ARFGEF3: variants seen among roughly 807,000 people sequenced by gnomAD.
ARFGEF3 encodes the protein ARFGEF family member 3.
ARFGEF3 carries 96 observed loss-of-function variants against 221.7 expected under a neutral mutation model. That is an observed-to-expected ratio of 0.43 (90% CI 0.37 to 0.51). ARFGEF3 has a LOEUF of 0.51. ARFGEF3 is among the 20% of genes least tolerant of loss of function. ARFGEF3 has a pLI of 0.00. For synonymous variants in ARFGEF3, 1,145 were observed against 1,126.8 expected (o/e 1.02, Z -0.32); for missense variants, 2,410 against 2,789.9 (o/e 0.86, Z 3.07).
At chr6:138,210,093 G>A in intron 4 of ARFGEF3, 52 bp downstream of exon 4, 3 of 1,582,878 alleles carry the variant, frequency 1.9e-6, no homozygotes, top group Non-Finnish European at 2.6e-6. Flanking sequence ...AACACATCCT[G>A]ATCCCCTGCA....
intron 17 of ARFGEF3, among the ~76,000 whole-genome samples, chr6:138,288,444 G>C (rs1182015957): frequency 6.6e-6 from 1 of 151,652 alleles, no homozygotes; most frequent in Non-Finnish European, 1.5e-5. Flanking sequence ...AGCACTTTGG[G>C]AGGCTAAGGT....
intron 1 of ARFGEF3, among the ~76,000 whole-genome samples, chr6:138,163,712 G>A (rs979633945): frequency 1.4e-4 from 21 of 152,346 alleles, no homozygotes; most frequent in African/African-American, 5.1e-4. Context: ...GCTGAGCATT[G>A]AGGCAGGTAA....
In ARFGEF3 at chr6:138,161,955, C is replaced by G. The variant is rs1209268646; in HGVS notation, c.-132C>G. On this transcript the variant is annotated 5_prime_UTR_variant, in exon 1 of 34. Transcript: ENST00000251691. The stretch of plus-strand genomic sequence containing the variant: ...GGAGCGGGCGTGATTCATCAGCATC[C>G]GCGCCGGGGCGGCATGGGGGCGCGC... 3.5e-6 allele frequency: 1 copy of G among 286,626 alleles called. No homozygotes were observed. The highest frequency in any genetic ancestry group is 6.1e-6 in the Non-Finnish European group (1 of 163,186). 17.8% of individuals were successfully genotyped at this position (286,626 alleles called of 1,614,324 possible).
intron 10 of ARFGEF3, among the ~76,000 whole-genome samples, chr6:138,257,380 A>T (rs927295402): frequency 5.3e-5 from 8 of 152,194 alleles, no homozygotes; most frequent in Non-Finnish European, 1.2e-4. Flanking sequence ...TCCTTATCCT[A>T]AATTCACCAG....
chr6:138,162,784 A>G lies in ARFGEF3; in HGVS notation c.85+613A>G, dbSNP rs76548958. Among the ~76,000 whole-genome samples, 228 of 152,236 alleles carry G rather than the reference A, an allele frequency of 1.5e-3. No individual in the cohort carries two copies. Among genetic ancestry groups the G allele is most frequent in the African/African-American group, 5.2e-3 (216 of 41,530 alleles). Reference sequence around the variant, plus strand: ...GCGTTGAAGTAAGTTCCAGGGAGCAAATTTGTGTTTCTCATCAGACTCAGG... The same window carrying G: ...GCGTTGAAGTAAGTTCCAGGGAGCAGATTTGTGTTTCTCATCAGACTCAGG... On this transcript the variant is annotated intron_variant, in intron 1 of 33. Coordinates refer to ENST00000251691, the MANE Select transcript of ARFGEF3 (RefSeq NM_020340.5). This position sits in a 1 kb window ranked among gnomAD's most constrained non-coding sequence, Gnocchi z 4.7.
intron 12 of ARFGEF3, among the ~76,000 whole-genome samples, chr6:138,266,616 G>A (rs546938962): frequency 3.9e-5 from 6 of 152,150 alleles, no homozygotes; most frequent in East Asian, 1.9e-4. Flanking sequence ...TTGGGAGGCC[G>A]AGGCAGGCGG....
At position 138,286,835 on chromosome 6, in the gene ARFGEF3, G is replaced by C. The variant is rs775533440; in HGVS notation, c.2704G>C (p.Glu902Gln). 2 of 1,614,054 alleles carry C rather than the reference G, an allele frequency of 1.2e-6. No homozygotes were observed. The highest frequency in any genetic ancestry group is 4.5e-5 in the East Asian group (2 of 44,884). Residue 902 changes from glutamate to glutamine, a missense_variant, in exon 16 of 34, where the codon GAG becomes CAG. Transcript: ENST00000251691. ...AFILGAEGIK[E>Q]QNQKERDAIC... ...CATTCTGGGAGCTGAAGGCATCAAA[G>C]AGCAGAACCAGAAGGAGCGGGACGC...
chr6:138,277,432 G>A (rs188898780), intron 12 of ARFGEF3, among the ~76,000 whole-genome samples: 5 of 152,312 alleles, frequency 3.3e-5, no homozygotes, highest in African/African-American at 9.6e-5. Flanking sequence ...AGTGAACACT[G>A]ATGTACAAAC....
chr6:138,259,932 A>T (rs1309769430), intron 10 of ARFGEF3, among the ~76,000 whole-genome samples: 1 of 152,092 alleles, frequency 6.6e-6, no homozygotes, highest in Non-Finnish European at 1.5e-5. Flanking sequence ...AAAATTATCG[A>T]ATTTATTACC....
At position 138,189,193 on chromosome 6, in the gene ARFGEF3, T is replaced by C. The variant is rs138749954; in HGVS notation, c.138-17849T>C. 1.8e-3 allele frequency among the ~76,000 whole-genome samples: 280 copies of C among 152,298 alleles called. 2 individuals carry two copies. The highest frequency in any genetic ancestry group is 5.8e-3 in the African/African-American group (242 of 41,560). The stretch of plus-strand genomic sequence containing the variant: ...CAGTCTGACCTAGGGAAACACCTGT[T>C]TTAAATGATTTAGAAAGTAAGAGAA... On this transcript the variant is annotated intron_variant, in intron 2 of 33. Coordinates refer to ENST00000251691, the MANE Select transcript of ARFGEF3 (RefSeq NM_020340.5).
chr6:138,175,754 A>C (rs745693570), intron 2 of ARFGEF3, among the ~76,000 whole-genome samples: 2 of 152,220 alleles, frequency 1.3e-5, no homozygotes, highest in Non-Finnish European at 2.9e-5. Context: ...AATGTCTGTT[A>C]GGTCCATTTG....
At chr6:138,181,296 C>A (rs937313879) in intron 2 of ARFGEF3, among the ~76,000 whole-genome samples, 1 of 152,166 alleles carries the variant, frequency 6.6e-6, no homozygotes, top group Non-Finnish European at 1.5e-5. Flanking sequence ...AATTATTAAT[C>A]TTCAGAAACA....
At chr6:138,166,300 C>G (rs538839829) in intron 1 of ARFGEF3, among the ~76,000 whole-genome samples, 4 of 152,138 alleles carry the variant, frequency 2.6e-5, no homozygotes, top group Admixed American at 1.3e-4. Context: ...AATAATGGAA[C>G]AACATAAAGA....
intron 1 of ARFGEF3, among the ~76,000 whole-genome samples, chr6:138,168,561 G>A (rs1166070397): frequency 5.3e-5 from 8 of 152,226 alleles, no homozygotes; most frequent in Non-Finnish European, 4.4e-5. Flanking sequence ...AGCAGAGACT[G>A]CAGCTTCAGG....
chr6:138,301,118 G>C (rs562321443), intron 22 of ARFGEF3, among the ~76,000 whole-genome samples: 3 of 152,158 alleles, frequency 2.0e-5, no homozygotes, highest in African/African-American at 7.2e-5. Flanking sequence ...ATGTGTTTAG[G>C]AAGCTTAAGG....
Position 138,245,668 on chromosome 6 carries a change from C to G in ARFGEF3, c.665+77C>G, listed in dbSNP as rs1416084867. On this transcript the variant is annotated intron_variant, in intron 8 of 33. Coordinates refer to ENST00000251691, the MANE Select transcript of ARFGEF3 (RefSeq NM_020340.5). Reference sequence around the variant, plus strand: ...ATAACCTTTGTCTGCAGCATCACTTCAAATTATGGATTGTAAGATTATAGG... The same window carrying G: ...ATAACCTTTGTCTGCAGCATCACTTGAAATTATGGATTGTAAGATTATAGG... 9 of 1,045,546 alleles carry G rather than the reference C, an allele frequency of 8.6e-6. No homozygotes were observed. The Admixed American group carries it at 9.9e-5, about 12-fold the overall frequency. The allele number at this position is 1,045,546 out of a possible 1,614,324, so 64.8% of individuals were successfully genotyped here.
Position 138,230,550 on chromosome 6 carries a change from T to G in ARFGEF3, c.420+698T>G, listed in dbSNP as rs149835287. 5.4e-3 allele frequency among the ~76,000 whole-genome samples: 821 copies of G among 152,350 alleles called. 6 individuals are homozygous for G. Among genetic ancestry groups the G allele is most frequent in the African/African-American group, 0.018 (764 of 41,574 alleles). ...TATACATTCAAACCACAAAGAGGAATGATTTTCTGAGTTCTGAAATGATGG... is the reference window on the plus strand; with the variant it reads ...TATACATTCAAACCACAAAGAGGAAGGATTTTCTGAGTTCTGAAATGATGG... On this transcript the variant is annotated intron_variant, in intron 5 of 33. Coordinates refer to ENST00000251691, the MANE Select transcript of ARFGEF3 (RefSeq NM_020340.5).
chr6:138,277,703 G>A (rs1370036739), intron 12 of ARFGEF3, among the ~76,000 whole-genome samples: 1 of 152,160 alleles, frequency 6.6e-6, no homozygotes, highest in African/African-American at 2.4e-5. Context: ...ATTCTGTAGT[G>A]AACAAAATGA....
At chr6:138,335,582 T>C (rs1377657372) in intron 33 of ARFGEF3, among the ~76,000 whole-genome samples, 4 of 149,954 alleles carry the variant, frequency 2.7e-5, no homozygotes, top group Non-Finnish European at 4.4e-5. Flanking sequence ...AGGTGGCACA[T>C]GCCTGTAATC....
Sources: gnomAD v4.1 joint callset for allele counts (sites outside exome capture counted in the v4.1 genomes callset) on GRCh38, gnomAD v4.1.1 for gene constraint, Gnocchi (gnomAD v3.1) non-coding constraint, MANE v1.5 for transcripts, NCBI Gene and HGNC (gene_info 2026-07-23, HGNC 2026-07-21) for gene names.